YARS1: variants seen among roughly 807,000 people sequenced by gnomAD.
The protein encoded by YARS1 is tyrosyl-tRNA synthetase 1.
Under a neutral mutation model 62.2 loss-of-function variants are expected in YARS1, and 36 were observed. The observed-to-expected ratio is 0.58, with a 90% CI of 0.44 to 0.76. The LOEUF (loss-of-function observed/expected upper bound fraction) is 0.76. Ranked by LOEUF, YARS1 falls within the 30% of genes least tolerant of loss-of-function variation. YARS1 has a pLI of 0.00. For synonymous variants in YARS1, 234 were observed against 244.9 expected (o/e 0.96, Z 0.42); for missense variants, 524 against 639.8 (o/e 0.82, Z 1.95).
intron 4 of YARS1, among the ~76,000 whole-genome samples, chr1:32,804,948 G>A (rs1363201623): frequency 6.6e-6 from 1 of 152,128 alleles, no homozygotes; most frequent in East Asian, 1.9e-4. Flanking sequence ...GCAACATTGA[G>A]CACTGAGTGA....
rs778469199 is a variant in YARS1 at position 32,780,207 on chromosome 1, G to A, written c.1212C>T (p.Ser404=). 21 of 1,613,970 alleles carry A rather than the reference G, an allele frequency of 1.3e-5. No individual in the cohort carries two copies. Among genetic ancestry groups the A allele is most frequent in the South Asian group, 8.8e-5 (8 of 91,076 alleles). Residue 404 remains serine (S), a synonymous_variant, in exon 11 of 13, where the codon AGC becomes AGT. Transcript: ENST00000373477. ...CCTTGGGCACGAACTGTACCAGGCC[G>A]CTCACCACAGTCCGTGGTTCAGCTT... ...VGEAEPRTVV[S]GLVQFVPKEE... is the part of the protein sequence containing the mutation.
At chr1:32,802,158 C>T (rs996012684) in intron 4 of YARS1, among the ~76,000 whole-genome samples, 1 of 151,740 alleles carries the variant, frequency 6.6e-6, no homozygotes, top group Non-Finnish European at 1.5e-5. Flanking sequence ...CGTTTTAGCC[C>T]GGATGGTCTC....
chr1:32,784,031 G>A (rs866625923), intron 8 of YARS1, among the ~76,000 whole-genome samples: 6 of 146,822 alleles, frequency 4.1e-5, no homozygotes, highest in South Asian at 2.1e-4. Flanking sequence ...TTTGAGACAT[G>A]GTCTCGCTCT....
chr1:32,787,111 T>C (rs753657307), intron 6 of YARS1, 36 bp from the exon 7 acceptor site: 6 of 1,613,524 alleles, frequency 3.7e-6, no homozygotes, highest in Non-Finnish European at 5.1e-6. Context: ...CCTCTTGTGG[T>C]TGAAAATGAG....
Position 32,780,332 on chromosome 1 carries a change from C to T in YARS1, c.1141-54G>A. 1.9e-6 allele frequency: 3 copies of T among 1,604,898 alleles called. No homozygotes were observed. In the South Asian group the frequency reaches 3.3e-5, roughly 18 times the overall value. ...GGATCATCGTCCATTAGAGAAGCAGCCTGGTGAACTCTTGGATTCCGGAAA... is the reference window on the plus strand; with the variant it reads ...GGATCATCGTCCATTAGAGAAGCAGTCTGGTGAACTCTTGGATTCCGGAAA... On this transcript the variant is annotated intron_variant, in intron 10 of 12. Coordinates refer to ENST00000373477, the MANE Select transcript of YARS1 (RefSeq NM_003680.4).
Position 32,781,089 on chromosome 1 carries a change from G to T in YARS1, c.1099C>A (p.Arg367=), listed in dbSNP as rs376054085. 2 of 1,614,094 alleles carry T rather than the reference G, an allele frequency of 1.2e-6. No homozygotes were observed. Among genetic ancestry groups the T allele is most frequent in the African/African-American group, 2.7e-5 (2 of 74,930 alleles). The stretch of plus-strand genomic sequence containing the variant: ...ATTTTCCCCACACGGATATCCAGCC[G>T]GGATGGGATGACCTCCTCTGGTTCT... ...NSEPEEVIPS[R]LDIRVGKIIT... is the part of the protein sequence containing the mutation. The change falls in exon 10 of 13, where the codon CGG becomes AGG. Residue 367 remains arginine, a synonymous_variant. Coordinates refer to ENST00000373477, the MANE Select transcript of YARS1 (RefSeq NM_003680.4).
chr1:32,790,335 C>A (rs374435744), intron 6 of YARS1, among the ~76,000 whole-genome samples: 7 of 149,228 alleles, frequency 4.7e-5, no homozygotes, highest in African/African-American at 1.7e-4. Flanking sequence ...AGTGAAACCC[C>A]ATCTCTACTA....
At chr1:32,804,857 G>C (rs940565342) in intron 4 of YARS1, among the ~76,000 whole-genome samples, 4 of 152,110 alleles carry the variant, frequency 2.6e-5, no homozygotes, top group Non-Finnish European at 5.9e-5. Context: ...CTGCAATCTC[G>C]GCACTTTGGG....
intron 1 of YARS1, among the ~76,000 whole-genome samples, chr1:32,816,377 T>A (rs965655527): frequency 6.6e-6 from 1 of 152,118 alleles, no homozygotes; most frequent in African/African-American, 2.4e-5. Context: ...ATAAAATGTA[T>A]ACTATGTAGA....
chr1:32,780,099 A>C lies in YARS1; in HGVS notation c.1320T>G (p.Leu440=), dbSNP rs767952376. The C allele has an allele frequency of 5.6e-6, 9 of 1,614,050 alleles. No homozygotes were observed. Among genetic ancestry groups the C allele is most frequent in the Non-Finnish European group, 7.6e-6 (9 of 1,180,006 alleles). Residue 440 remains leucine (L), a synonymous_variant, in exon 11 of 13, where the codon CTT becomes CTG. Transcript: ENST00000373477. Reference sequence around the variant, plus strand: ...TCCTCACTCACATAGAAGCACACAGAAGCATGCCTTGGGACTCGACTCCTC... The same window carrying C: ...TCCTCACTCACATAGAAGCACACAGCAGCATGCCTTGGGACTCGACTCCTC... ...KMRGVESQGM[L]LCASIEGINR... is the part of the protein sequence containing the mutation.
At chr1:32,816,805 A>G (rs1433313483) in intron 1 of YARS1, 5 of 324,402 alleles carry the variant, frequency 1.5e-5, no homozygotes, top group Non-Finnish European at 3.0e-5. Context: ...AGCATCTTCC[A>G]GTACTTACTT....
chr1:32,778,654 G>A (rs1049753713), intron 12 of YARS1, among the ~76,000 whole-genome samples: 14 of 150,774 alleles, frequency 9.3e-5, no homozygotes, highest in African/African-American at 9.8e-5. Context: ...TGATCCTCCC[G>A]TCTTGGCCTC....
rs181828596 is a variant in YARS1 at position 32,797,036 on chromosome 1, A to G, written c.591+727T>C. 2.7e-3 allele frequency among the ~76,000 whole-genome samples: 196 copies of G among 73,318 alleles called. 25 individuals are homozygous for G. The highest frequency in any genetic ancestry group is 0.026 in the Admixed American group (113 of 4,282). 48.1% of individuals were successfully genotyped at this position (73,318 alleles called of 152,430 possible). A position where few individuals can be genotyped will look rare whatever the true frequency, so the allele number is the denominator to read the frequency against. On this transcript the variant is annotated intron_variant, in intron 5 of 12. Transcript: ENST00000373477. ...TATATATATATATATATATATATAT[A>G]TATATATATATATAGTAAGCATTTC... is the stretch of plus-strand genomic sequence containing the variant.
At chr1:32,790,181 CTTTT>C (rs750131866) in intron 6 of YARS1, among the ~76,000 whole-genome samples, 41 of 115,398 alleles carry the variant, frequency 3.6e-4, no homozygotes, top group African/African-American at 1.1e-3. Flanking sequence ...CCACGCAGGC[CTTTT>C]TTTTTTTTTT....
intron 10 of YARS1, 166 bp from the exon 11 acceptor site, chr1:32,780,444 G>A (rs1325957093): frequency 6.8e-6 from 5 of 734,724 alleles, no homozygotes; most frequent in Non-Finnish European, 1.2e-5. Flanking sequence ...CAGGAGAATG[G>A]GCTCTGATGG....
chr1:32,815,543 C>T (rs1015345607), intron 1 of YARS1, among the ~76,000 whole-genome samples: 3 of 152,106 alleles, frequency 2.0e-5, no homozygotes, highest in East Asian at 1.9e-4. Flanking sequence ...AACTGATGAA[C>T]GGATAAACAA....
At chr1:32,811,169 C>T (rs1419050394) in intron 1 of YARS1, 112 bp from the exon 2 acceptor site, 2 of 1,517,988 alleles carry the variant, frequency 1.3e-6, no homozygotes, top group African/African-American at 1.4e-5. Flanking sequence ...GGCTCAGAGC[C>T]ATCAAGGAGG....
chr1:32,792,352 T>C (rs1653436708), intron 5 of YARS1, among the ~76,000 whole-genome samples: 1 of 152,180 alleles, frequency 6.6e-6, no homozygotes, highest in Non-Finnish European at 1.5e-5. Flanking sequence ...AACCAACCCC[T>C]GACAGAACCC....
intron 5 of YARS1, among the ~76,000 whole-genome samples, chr1:32,795,275 C>T (rs890787870): frequency 4.0e-5 from 6 of 151,322 alleles, no homozygotes; most frequent in African/African-American, 1.2e-4. Context: ...GCCGAGATGG[C>T]GCTATTGCAC....
Sources: gnomAD v4.1 joint callset for allele counts (sites outside exome capture counted in the v4.1 genomes callset) on GRCh38, gnomAD v4.1.1 for gene constraint, MANE v1.5 for transcripts, NCBI Gene and HGNC (gene_info 2026-07-23, HGNC 2026-07-21) for gene names.